The following CHD6 variants were observed in gnomAD, a reference collection of about 807,000 sequenced individuals.
CHD6 encodes ATP-dependent chromatin remodeler CHD6.
A neutral mutation model predicts 276.9 loss-of-function variants in CHD6; 50 were observed. The ratio of observed to expected loss-of-function variants is 0.18; its 90% CI spans 0.14 to 0.23. The LOEUF is 0.23. Ranked by LOEUF, CHD6 falls within the 10% of genes least tolerant of loss-of-function variation. The pLI is 1.00. For missense variants in CHD6, 2,564 were observed against 3,365.8 expected (o/e 0.76, Z 5.89); for synonymous variants, 1,173 against 1,229.3 (o/e 0.95, Z 0.96).
Position 41,489,970 on chromosome 20 carries a change from G to A in CHD6, c.1488C>T (p.Ser496=). ...DEMGLGKTIQ[S]ITFLSEIFLR... ...GAAATATTTCTGAAAGGAATGTGAT[G>A]GACTGGATGGTTTTCCCTAGGCCCA... is the stretch of plus-strand genomic sequence containing the variant. The change falls in exon 12 of 37, where the codon TCC becomes TCT. Residue 496 remains serine, a synonymous_variant. Transcript: ENST00000373233. The A allele has an allele frequency of 6.2e-7, 1 of 1,613,952 alleles. No homozygotes were observed. Among genetic ancestry groups the A allele is most frequent in the Non-Finnish European group, 8.5e-7 (1 of 1,179,866 alleles).
intron 28 of CHD6, among the ~76,000 whole-genome samples, chr20:41,425,610 T>A (rs1201526822): frequency 6.6e-6 from 1 of 152,208 alleles, no homozygotes; most frequent in Admixed American, 6.5e-5. Flanking sequence ...CTGTTATCTC[T>A]CAAACACAGA....
At chr20:41,449,419 T>C (rs2048169268) in intron 23 of CHD6, among the ~76,000 whole-genome samples, 2 of 152,348 alleles carry the variant, frequency 1.3e-5, no homozygotes, top group South Asian at 4.1e-4. Context: ...TGTTTCCATT[T>C]CTATAAAGAG....
intron 17 of CHD6, among the ~76,000 whole-genome samples, chr20:41,460,192 G>C (rs1233430136): frequency 6.6e-6 from 1 of 152,184 alleles, no homozygotes; most frequent in Non-Finnish European, 1.5e-5. Flanking sequence ...GCATTCAAGG[G>C]GTGACTTAGG....
chr20:41,570,729 G>C (rs1254193654), intron 1 of CHD6, among the ~76,000 whole-genome samples: 2 of 152,188 alleles, frequency 1.3e-5, no homozygotes, highest in African/African-American at 4.8e-5. Flanking sequence ...ATCAAGCTCT[G>C]TCCACAAAAG....
At chr20:41,547,562 C>A (rs1432370928) in intron 2 of CHD6, 2 of 500,990 alleles carry the variant, frequency 4.0e-6, no homozygotes, top group Non-Finnish European at 7.9e-6. Context: ...ATGACATTGC[C>A]AAGGCAACTA....
intron 1 of CHD6, among the ~76,000 whole-genome samples, chr20:41,570,048 C>T (rs2045400635): frequency 6.6e-6 from 1 of 152,128 alleles, no homozygotes; most frequent in African/African-American, 2.4e-5. Context: ...TACAGATGAC[C>T]AGTTTGGAGT....
At chr20:41,430,227 A>C (rs1021667372) in intron 27 of CHD6, among the ~76,000 whole-genome samples, 1 of 152,262 alleles carries the variant, frequency 6.6e-6, no homozygotes, top group African/African-American at 2.4e-5. Flanking sequence ...TCCCCATTTC[A>C]ACTGCTTTTA....
chr20:41,485,389 C>G (rs1377420212), intron 14 of CHD6, among the ~76,000 whole-genome samples: 1 of 152,026 alleles, frequency 6.6e-6, no homozygotes, highest in Non-Finnish European at 1.5e-5. Context: ...GATGGTAAAA[C>G]AAAATAAGGG....
intron 24 of CHD6, among the ~76,000 whole-genome samples, 185 bp downstream of exon 24, chr20:41,447,697 T>C (rs2048113024): frequency 6.6e-6 from 1 of 152,200 alleles, no homozygotes. Flanking sequence ...CTTTATTTTA[T>C]TTGTAGATGA....
At chr20:41,447,790 C>T in intron 24 of CHD6, 92 bp downstream of exon 24, 1 of 825,394 alleles carries the variant, frequency 1.2e-6, no homozygotes, top group South Asian at 1.8e-5. Context: ...GAACATGGGC[C>T]TCTTTAAGCA....
intron 1 of CHD6, among the ~76,000 whole-genome samples, chr20:41,592,806 A>T (rs1290104808): frequency 1.3e-5 from 2 of 152,184 alleles, no homozygotes; most frequent in Non-Finnish European, 2.9e-5. Flanking sequence ...CCTGTTTTAC[A>T]TTAGGCTGGG....
intron 2 of CHD6, chr20:41,547,777 A>T (rs1277929443): frequency 3.8e-6 from 2 of 528,654 alleles, no homozygotes; most frequent in Non-Finnish European, 7.5e-6. Context: ...ATGCAGCACC[A>T]ATCTTTAGCC....
At chr20:41,513,941 C>T (rs1381251405) in intron 4 of CHD6, among the ~76,000 whole-genome samples, 1 of 152,184 alleles carries the variant, frequency 6.6e-6, no homozygotes, top group Admixed American at 6.5e-5. Flanking sequence ...GATCACCATT[C>T]TACAAACACC....
chr20:41,611,091 T>A (rs2045882848), intron 1 of CHD6, among the ~76,000 whole-genome samples: 2 of 152,226 alleles, frequency 1.3e-5, no homozygotes, highest in Non-Finnish European at 2.9e-5. Flanking sequence ...TATTCTCTGA[T>A]CTTACTATTT....
chr20:41,468,108 CTTT>C (rs34106201), intron 17 of CHD6, among the ~76,000 whole-genome samples: 4 of 136,626 alleles, frequency 2.9e-5, no homozygotes, highest in South Asian at 2.3e-4. Flanking sequence ...TCCTATCATT[CTTT>C]TTTTTTTTTT....
At chr20:41,406,736 C>G (rs964881835) in intron 36 of CHD6, among the ~76,000 whole-genome samples, 1 of 152,206 alleles carries the variant, frequency 6.6e-6, no homozygotes, top group Non-Finnish European at 1.5e-5. Flanking sequence ...CCCTGGAGAA[C>G]TGCATGCCTT....
intron 1 of CHD6, among the ~76,000 whole-genome samples, chr20:41,579,129 CAAAAAAA>C (rs58395642): frequency 7.0e-5 from 3 of 42,824 alleles, no homozygotes; most frequent in East Asian, 6.3e-4. Context: ...GACTCCATCT[CAAAAAAA>C]AAAAAAAAAA....
rs552182613 is a variant in CHD6, at chr20:41,613,172, T to C, written c.-24+5168A>G. Among the ~76,000 whole-genome samples the C allele has an allele frequency of 4.6e-5, 7 of 152,300 alleles. No homozygotes were observed. The East Asian group carries it at 1.2e-3, about 25-fold the overall frequency. On this transcript the variant is annotated intron_variant, in intron 1 of 36. Transcript: ENST00000373233. ...TTTAAGGAAGAACTCCACTAAAAAT[T>C]AGCACTAATGGAAGTTGCAAAGCAT...
chr20:41,540,786 A>G (rs147818561), intron 2 of CHD6, among the ~76,000 whole-genome samples: 1 of 152,290 alleles, frequency 6.6e-6, no homozygotes, highest in Non-Finnish European at 1.5e-5. Flanking sequence ...GCTAAACATA[A>G]AAACGAGTAG....
Sources: allele counts gnomAD v4.1 joint callset (sites outside exome capture counted in the v4.1 genomes callset), GRCh38; gene constraint gnomAD v4.1.1; transcripts MANE v1.5; gene names NCBI Gene and HGNC (gene_info 2026-07-23, HGNC 2026-07-21).